Variants in EDEM3 observed in about 807,000 individuals in gnomAD.
EDEM3 encodes the protein ER degradation enhancing alpha-mannosidase like protein 3, also known as ER degradation-enhancing alpha-mannosidase-like protein 3.
EDEM3 carries 60 observed loss-of-function variants against 110.2 expected under a neutral mutation model. The ratio of observed to expected loss-of-function variants is 0.54; its 90% CI spans 0.44 to 0.67. The LOEUF (loss-of-function observed/expected upper bound fraction) is 0.67, where lower values mean the gene tolerates loss of function less well. EDEM3 is among the 30% of genes least tolerant of loss of function. The pLI is 0.00. For missense variants in EDEM3, 996 were observed against 1,121.0 expected (o/e 0.89, Z 1.59); for synonymous variants, 352 against 382.9 (o/e 0.92, Z 0.94).
Position 184,706,626 on chromosome 1 carries a change from C to T in EDEM3, c.2203+17G>A, listed in dbSNP as rs1259917635. The stretch of plus-strand genomic sequence containing the variant: ...ATCTCCCCTTCAGTCAACACAATGA[C>T]ATGGATGATTACTTACCAATAACAA... On this transcript the variant is annotated intron_variant, in intron 18 of 19. Coordinates refer to ENST00000318130, the MANE Select transcript of EDEM3 (RefSeq NM_025191.4). The T allele has an allele frequency of 1.3e-6, 2 of 1,587,732 alleles. No homozygotes were observed. Among genetic ancestry groups the T allele is most frequent in the Non-Finnish European group, 1.7e-6 (2 of 1,162,030 alleles).
Position 184,694,011 on chromosome 1 carries a change from C to T in EDEM3, c.*52G>A. On this transcript the variant is annotated 3_prime_UTR_variant, in exon 20 of 20. Coordinates refer to ENST00000318130, the MANE Select transcript of EDEM3 (RefSeq NM_025191.4). ...TTAGTATTAGGATGTCTATTAACCA[C>T]ACACAGTTTACCTTTTCTTTTTAAA... 6.4e-7 allele frequency: 1 copy of T among 1,554,432 alleles called. No homozygotes were observed.
rs751346952 is a variant in EDEM3, at chr1:184,719,507, TGGATATGCACATCAAGTAGAA to T, written c.992_1012del (p.Leu331_Ile337del). ...AGTCCGAGCATTCAGCATTGGTTTG[TGGATATGCACATCAAGTAGAA>T]GAGGTGGCTGGCTAATATACCTCAT... is the stretch of plus-strand genomic sequence containing the variant. On this transcript the variant is annotated inframe_deletion, in exon 10 of 20. Transcript: ENST00000318130. 3.7e-6 allele frequency: 6 copies of T among 1,614,040 alleles called. No homozygotes were observed. Among genetic ancestry groups the T allele is most frequent in the Non-Finnish European group, 5.1e-6 (6 of 1,179,998 alleles).
Position 184,704,649 on chromosome 1 carries a change from CAAAAAAA to C in EDEM3, c.2204-1660_2204-1654del, listed in dbSNP as rs58913815. On this transcript the variant is annotated intron_variant, in intron 18 of 19. Coordinates refer to ENST00000318130, the MANE Select transcript of EDEM3 (RefSeq NM_025191.4). Reference sequence around the variant, plus strand: ...TGGGTGACAAAGCAAGACTCTGTCTCAAAAAAAAAAAAAAAAAAAAAAAAAAAAAAAT... The same window carrying C: ...TGGGTGACAAAGCAAGACTCTGTCTCAAAAAAAAAAAAAAAAAAAAAAAAT... Among the ~76,000 whole-genome samples, 46 of 29,912 alleles carry C rather than the reference CAAAAAAA, an allele frequency of 1.5e-3. No individual in the cohort carries two copies. In the South Asian group the frequency reaches 0.018, roughly 12 times the overall value. 19.6% of individuals were successfully genotyped at this position (29,912 alleles called of 152,430 possible).
At chr1:184,709,644 C>A (rs1650118107) in intron 16 of EDEM3, among the ~76,000 whole-genome samples, 1 of 152,126 alleles carries the variant, frequency 6.6e-6, no homozygotes, top group Non-Finnish European at 1.5e-5. Context: ...AAAGCAATGT[C>A]ACAAGAGATG....
intron 1 of EDEM3, among the ~76,000 whole-genome samples, chr1:184,754,003 G>C (rs1652936259): frequency 6.6e-6 from 1 of 152,224 alleles, no homozygotes; most frequent in Admixed American, 6.5e-5. Flanking sequence ...CAAGGAAATA[G>C]TAAAATGTGT....
chr1:184,731,331 T>C (rs1426837669), intron 6 of EDEM3, among the ~76,000 whole-genome samples: 1 of 152,218 alleles, frequency 6.6e-6, no homozygotes, highest in East Asian at 1.9e-4. Flanking sequence ...ACTGACTTTA[T>C]TGCCAACTCT....
In EDEM3 at chr1:184,726,398, A is replaced by C; in HGVS notation, c.613-9T>G. ...CCAAACTTTAAATTAATCTGAATAC[A>C]ATTAGAAAATTGTCATTAGCAGTTA... On this transcript the variant is annotated splice_polypyrimidine_tract_variant and intron_variant, in intron 6 of 19. Coordinates refer to ENST00000318130, the MANE Select transcript of EDEM3 (RefSeq NM_025191.4). The C allele has an allele frequency of 6.2e-7, 1 of 1,611,234 alleles. No homozygotes were observed. Among genetic ancestry groups the C allele is most frequent in the Non-Finnish European group, 8.5e-7 (1 of 1,178,562 alleles).
intron 1 of EDEM3, among the ~76,000 whole-genome samples, chr1:184,753,621 A>G (rs1652901201): frequency 6.6e-6 from 1 of 152,152 alleles, no homozygotes; most frequent in African/African-American, 2.4e-5. Flanking sequence ...TTAACTAACC[A>G]GAACCGTATC....
chr1:184,704,580 G>A (rs138903804), intron 18 of EDEM3, among the ~76,000 whole-genome samples: 2 of 143,982 alleles, frequency 1.4e-5, no homozygotes, highest in African/African-American at 5.2e-5. Context: ...AAACCTAGAG[G>A]TGGAGGTTGT....
intron 5 of EDEM3, among the ~76,000 whole-genome samples, chr1:184,733,880 TCTTATAC>T (rs1044407611): frequency 4.9e-4 from 74 of 150,950 alleles, no homozygotes; most frequent in African/African-American, 1.6e-3. Flanking sequence ...TGAGAGGTAA[TCTTATAC>T]ATTCAGTTTC....
At chr1:184,748,439 A>G (rs115585866) in intron 2 of EDEM3, among the ~76,000 whole-genome samples, 1,727 of 146,010 alleles carry the variant, frequency 0.012, 12 homozygotes, top group Non-Finnish European at 0.018. Flanking sequence ...ACAGAGCACA[A>G]CTCCGTCTCA....
At chr1:184,718,006 C>A (rs945242420) in intron 11 of EDEM3, among the ~76,000 whole-genome samples, 1 of 151,696 alleles carries the variant, frequency 6.6e-6, no homozygotes, top group Non-Finnish European at 1.5e-5. Context: ...TTTTTTAAAT[C>A]GACAAATAAA....
At chr1:184,696,211 C>G (rs886205013) in intron 19 of EDEM3, among the ~76,000 whole-genome samples, 1 of 151,882 alleles carries the variant, frequency 6.6e-6, no homozygotes, top group African/African-American at 2.4e-5. Flanking sequence ...CTTCTGAGGA[C>G]AGCTGAGAGA....
At position 184,754,606 on chromosome 1, in the gene EDEM3, G is replaced by A. The variant is rs776255897; in HGVS notation, c.41C>T (p.Pro14Leu). 6.2e-7 allele frequency: 1 copy of A among 1,607,892 alleles called. No individual in the cohort carries two copies. The change falls in exon 1 of 20, where the codon CCC becomes CTC. Residue 14 changes from proline (P) to leucine (L), a missense_variant. Physicochemically the swap from Pro to Leu is moderately conservative, Grantham distance 98. This residue lies in a region of EDEM3 where 200 missense variants were observed against 183.8 expected (regional missense o/e 1.09). Transcript: ENST00000318130. Reference protein sequence around the residue: ...AGGRGCGSPVPQRARWRLVAA... With the variant: ...AGGRGCGSPVLQRARWRLVAA... ...CACTAGTCTCCATCGCGCTCGCTGG[G>A]GAACCGGGGACCCACAGCCCCGGCC...
At chr1:184,735,743 G>A (rs935937454) in intron 4 of EDEM3, among the ~76,000 whole-genome samples, 2 of 152,138 alleles carry the variant, frequency 1.3e-5, no homozygotes, top group African/African-American at 4.8e-5. Context: ...CACATCAAGT[G>A]GGCAGTAATA....
Position 184,719,427 on chromosome 1 carries a change from A to G in EDEM3, c.1077+16T>C. 1 of 1,605,304 alleles carries G rather than the reference A, an allele frequency of 6.2e-7. No homozygotes were observed. Among genetic ancestry groups the G allele is most frequent in the Non-Finnish European group, 8.5e-7 (1 of 1,177,598 alleles). ...ATCATCTTACATTCATATTAAGAAG[A>G]CAGAATTCTTTATACCTGCAAGCCT... On this transcript the variant is annotated intron_variant, in intron 10 of 19. Transcript: ENST00000318130.
Position 184,723,840 on chromosome 1 carries a change from GC to G in EDEM3, c.763del (p.Ala255LeufsTer15). On this transcript the variant is annotated frameshift_variant, in exon 8 of 20. Transcript: ENST00000318130. LOFTEE classifies it high-confidence loss of function. ...TCTTTTTTCCCAGAGAAAATCAAGAGCTTTTCTGGCATATTCCTGTAATTTA... is the reference window on the plus strand; with the variant it reads ...TCTTTTTTCCCAGAGAAAATCAAGAGTTTTCTGGCATATTCCTGTAATTTA... The part of the protein sequence containing the change: ...ATIFEEYARK[A>X]LDFLWEKRQR... 1.3e-6 allele frequency: 2 copies of G among 1,514,958 alleles called. No individual in the cohort carries two copies. The highest frequency in any genetic ancestry group is 1.8e-6 in the Non-Finnish European group (2 of 1,133,598). The allele number at this position is 1,514,958 out of a possible 1,614,324, so 93.8% of individuals were successfully genotyped here.
chr1:184,737,328 C>G (rs1270122664), intron 3 of EDEM3, among the ~76,000 whole-genome samples: 3 of 152,064 alleles, frequency 2.0e-5, no homozygotes, highest in Non-Finnish European at 4.4e-5. Context: ...CATCAACAGT[C>G]CAATGTGCTA....
intron 9 of EDEM3, among the ~76,000 whole-genome samples, chr1:184,719,871 CTT>C (rs903962009): frequency 2.0e-5 from 3 of 152,324 alleles, no homozygotes; most frequent in Admixed American, 6.5e-5. Context: ...GTTGGTATGA[CTT>C]TGCGGCCCAC....
Sources: allele counts gnomAD v4.1 joint callset (sites outside exome capture counted in the v4.1 genomes callset), GRCh38; gene constraint gnomAD v4.1.1; regional missense constraint gnomAD v4.1.1; transcripts MANE v1.5; gene names NCBI Gene and HGNC (gene_info 2026-07-23, HGNC 2026-07-21).